The following ARFIP2 variants were observed in gnomAD, a reference collection of about 807,000 sequenced individuals.
ARFIP2 encodes the protein arfaptin-2.
Under a neutral mutation model 39.2 loss-of-function variants are expected in ARFIP2, and 14 were observed. That is an observed-to-expected ratio of 0.36 (90% CI 0.24 to 0.56). The LOEUF (loss-of-function observed/expected upper bound fraction) is 0.56, where lower values mean the gene tolerates loss of function less well. ARFIP2 is among the 20% of genes least tolerant of loss of function. The pLI, the probability that ARFIP2 is intolerant of heterozygous loss-of-function variation, is 0.85. For synonymous variants in ARFIP2, 167 were observed against 172.4 expected (o/e 0.97, Z 0.24); for missense variants, 305 against 422.5 (o/e 0.72, Z 2.44).
Position 6,478,550 on chromosome 11 carries a change from C to A in ARFIP2, c.537+188G>T. The A allele has an allele frequency of 7.0e-7, 1 of 1,433,360 alleles. No individual in the cohort carries two copies. Among genetic ancestry groups the A allele is most frequent in the South Asian group, 1.5e-5 (1 of 67,832 alleles). The allele number at this position is 1,433,360 out of a possible 1,614,324, so 88.8% of individuals were successfully genotyped here. ...CACCTAGTGTGCCCCCTCCCCCACC[C>A]CCTCCAACTTCTGGACCTCTGTACA... On this transcript the variant is annotated intron_variant, in intron 5 of 7. Coordinates refer to ENST00000396777, the MANE Select transcript of ARFIP2 (RefSeq NM_001376558.2). The surrounding 1 kb of genome is among the most constrained non-coding windows in gnomAD (Gnocchi z 4.8).
chr11:6,479,446 T>G, intron 3 of ARFIP2, 188 bp from the exon 4 acceptor site: 1 of 1,111,712 alleles, frequency 9.0e-7, no homozygotes, highest in Non-Finnish European at 1.3e-6. Context: ...CTGATATACA[T>G]ATGGCCTCCT....
At chr11:6,479,071 G>A (rs1232211898) in intron 4 of ARFIP2, 69 bp downstream of exon 4, 18 of 1,584,042 alleles carry the variant, frequency 1.1e-5, no homozygotes, top group South Asian at 4.5e-5. Flanking sequence ...GGGATATTAC[G>A]ATCACGAAGA....
rs1416621550 is a variant in ARFIP2, at chr11:6,478,457, G to A, written c.538-259C>T. 6 of 1,076,652 alleles carry A rather than the reference G, an allele frequency of 5.6e-6. No homozygotes were observed. Among genetic ancestry groups the A allele is most frequent in the Non-Finnish European group, 7.8e-6 (6 of 773,444 alleles). The allele number at this position is 1,076,652 out of a possible 1,614,324, so 66.7% of individuals were successfully genotyped here. A position where few individuals can be genotyped will look rare whatever the true frequency, so the allele number is the denominator to read the frequency against. On this transcript the variant is annotated intron_variant, in intron 5 of 7. Transcript: ENST00000396777. This position sits in a 1 kb window ranked among gnomAD's most constrained non-coding sequence, Gnocchi z 4.8. ...GTCTGAGAGCTAGTGTGGCAAGCAG[G>A]GGAGGGGCTCTGATTAGGCTGAGCA...
chr11:6,476,572 A>G lies in ARFIP2; in HGVS notation c.*541T>C, dbSNP rs1376454856. 6.5e-6 allele frequency: 1 copy of G among 153,924 alleles called. No individual in the cohort carries two copies. Among genetic ancestry groups the G allele is most frequent in the East Asian group, 1.9e-4 (1 of 5,214 alleles). The allele number at this position is 153,924 out of a possible 1,614,324, so 9.5% of individuals were successfully genotyped here. A position where few individuals can be genotyped will look rare whatever the true frequency, so the allele number is the denominator to read the frequency against. ...CTAGATCCCAATCTTCTTGGGCTCT[A>G]AGCACAATTAAACTGGGTGGGTGGG... On this transcript the variant is annotated 3_prime_UTR_variant, in exon 8 of 8. Transcript: ENST00000396777.
Position 6,477,673 on chromosome 11 carries a change from T to C in ARFIP2, c.870+45A>G. ...GAGGGTCTGAGGGGAAGGTTAGTGT[T>C]ACAGATGGAAAGGTGGGCTAGGGTC... On this transcript the variant is annotated intron_variant, in intron 7 of 7. Coordinates refer to ENST00000396777, the MANE Select transcript of ARFIP2 (RefSeq NM_001376558.2). The surrounding 1 kb of genome is among the most constrained non-coding windows in gnomAD (Gnocchi z 4.8). The C allele has an allele frequency of 1.9e-6, 3 of 1,599,664 alleles. No homozygotes were observed. Among genetic ancestry groups the C allele is most frequent in the Non-Finnish European group, 2.6e-6 (3 of 1,171,178 alleles).
Position 6,477,761 on chromosome 11 carries a change from C to T in ARFIP2, c.827G>A (p.Arg276Gln), listed in dbSNP as rs1445656835. 5 of 1,613,794 alleles carry T rather than the reference C, an allele frequency of 3.1e-6. No homozygotes were observed. Among genetic ancestry groups the T allele is most frequent in the South Asian group, 1.1e-5 (1 of 91,074 alleles). The change falls in exon 7 of 8, where the codon CGG becomes CAG. Residue 276 changes from arginine to glutamine, a missense_variant. Transcript: ENST00000396777. The surrounding 1 kb of genome is among the most constrained non-coding windows in gnomAD (Gnocchi z 4.8). ...QAHRDKYEKL[R>Q]GDVAIKLKFL... Reference sequence around the variant, plus strand: ...CTTGAGCTTGATGGCCACATCTCCCCGCAGCTTCTCATACTTGTCCCGATG... The same window carrying T: ...CTTGAGCTTGATGGCCACATCTCCCTGCAGCTTCTCATACTTGTCCCGATG...
rs1851233245 is a variant in ARFIP2, at chr11:6,477,689, G to T, written c.870+29C>A. The T allele has an allele frequency of 6.2e-7, 1 of 1,608,348 alleles. No individual in the cohort carries two copies. Among genetic ancestry groups the T allele is most frequent in the East Asian group, 2.2e-5 (1 of 44,772 alleles). On this transcript the variant is annotated intron_variant, in intron 7 of 7. Transcript: ENST00000396777. The surrounding 1 kb of genome is among the most constrained non-coding windows in gnomAD (Gnocchi z 4.8). ...GGTTAGTGTTACAGATGGAAAGGTG[G>T]GCTAGGGTCAAGGGGGTGGGGTTGG...
At position 6,480,433 on chromosome 11, in the gene ARFIP2, G is replaced by A; in HGVS notation, c.-12C>T. On this transcript the variant is annotated 5_prime_UTR_variant, in exon 2 of 8. Transcript: ENST00000396777. ...ATCCCGTCCGTCATGGCTAGGAAAG[G>A]TATTGGAGTAAAACTCTCCACCCCA... is the stretch of plus-strand genomic sequence containing the variant. 1.9e-6 allele frequency: 3 copies of A among 1,601,738 alleles called. No individual in the cohort carries two copies. Among genetic ancestry groups the A allele is most frequent in the East Asian group, 2.2e-5 (1 of 44,446 alleles).
chr11:6,478,280 C>A lies in ARFIP2; in HGVS notation c.538-82G>T. The A allele has an allele frequency of 1.3e-6, 2 of 1,519,620 alleles. No individual in the cohort carries two copies. The allele number at this position is 1,519,620 out of a possible 1,614,324, so 94.1% of individuals were successfully genotyped here. A position where few individuals can be genotyped will look rare whatever the true frequency, so the allele number is the denominator to read the frequency against. On this transcript the variant is annotated intron_variant, in intron 5 of 7. Transcript: ENST00000396777. The surrounding 1 kb of genome is among the most constrained non-coding windows in gnomAD (Gnocchi z 4.8). ...GTAGAGCCCTTCATTCCCCTCCTCC[C>A]CGGGGAGGACACAGCCAGCAAAACT...
intron 1 of ARFIP2, chr11:6,480,838 T>C (rs1413856185): frequency 5.7e-6 from 1 of 175,240 alleles, no homozygotes; most frequent in East Asian, 1.8e-4. Context: ...GCTGAGGAGA[T>C]GAACCCTTTC....
At chr11:6,479,110 T>C (rs1217625880) in intron 4 of ARFIP2, 30 bp downstream of exon 4, 2 of 1,607,500 alleles carry the variant, frequency 1.2e-6, no homozygotes, top group Non-Finnish European at 1.7e-6. Flanking sequence ...ATAAGGAGTT[T>C]TGGGGAAGGG....
At position 6,478,288 on chromosome 11, in the gene ARFIP2, G is replaced by C; in HGVS notation, c.538-90C>G. 1.4e-6 allele frequency: 2 copies of C among 1,479,782 alleles called. No individual in the cohort carries two copies. The highest frequency in any genetic ancestry group is 1.9e-6 in the Non-Finnish European group (2 of 1,080,732). The allele number at this position is 1,479,782 out of a possible 1,614,324, so 91.7% of individuals were successfully genotyped here. A position where few individuals can be genotyped will look rare whatever the true frequency, so the allele number is the denominator to read the frequency against. ...CTTCATTCCCCTCCTCCCCGGGGAG[G>C]ACACAGCCAGCAAAACTGGAACAAC... On this transcript the variant is annotated intron_variant, in intron 5 of 7. Coordinates refer to ENST00000396777, the MANE Select transcript of ARFIP2 (RefSeq NM_001376558.2). The surrounding 1 kb of genome is among the most constrained non-coding windows in gnomAD (Gnocchi z 4.8).
chr11:6,477,607 C>CT lies in ARFIP2; in HGVS notation c.870+110dup. 1 of 1,270,548 alleles carries CT rather than the reference C, an allele frequency of 7.9e-7. No individual in the cohort carries two copies. Among genetic ancestry groups the CT allele is most frequent in the South Asian group, 1.4e-5 (1 of 69,860 alleles). 78.7% of individuals were successfully genotyped at this position (1,270,548 alleles called of 1,614,324 possible). On this transcript the variant is annotated intron_variant, in intron 7 of 7. Coordinates refer to ENST00000396777, the MANE Select transcript of ARFIP2 (RefSeq NM_001376558.2). This position sits in a 1 kb window ranked among gnomAD's most constrained non-coding sequence, Gnocchi z 4.8. ...CCCAGGGGTTGAGGGGGTGAACACT[C>CT]TACTCCCCAGCTAGGCTGCATTTCC... is the stretch of plus-strand genomic sequence containing the variant.
At chr11:6,480,197 G>A (rs1851571445) in intron 2 of ARFIP2, 126 bp downstream of exon 2, 4 of 1,271,116 alleles carry the variant, frequency 3.1e-6, no homozygotes, top group East Asian at 4.7e-5. Context: ...GAATCAAAAT[G>A]ATACGTAAAA....
At chr11:6,479,055 A>G (rs1851433482) in intron 4 of ARFIP2, 85 bp downstream of exon 4, 1 of 1,580,708 alleles carries the variant, frequency 6.3e-7, no homozygotes, top group African/African-American at 1.3e-5. Flanking sequence ...ACTCTCAGCC[A>G]CAGATGGGAT....
At position 6,477,834 on chromosome 11, in the gene ARFIP2, C is replaced by A. The variant is rs145755827; in HGVS notation, c.754G>T (p.Ala252Ser). The change falls in exon 7 of 8, where the codon GCA (alanine) becomes TCA (serine). Residue 252 changes from alanine to serine, a missense_variant. Ala to Ser is a moderately conservative substitution (Grantham distance 99). Transcript: ENST00000396777. The surrounding 1 kb of genome is among the most constrained non-coding windows in gnomAD (Gnocchi z 4.8). ...LEELSLGPRD[A>S]GTRGRLESAQ... ...CTCTCAAGTCGACCACGTGTCCCTG[C>A]ATCCCGGGGGCCTAGACTCAGCTCC... 9.3e-6 allele frequency: 15 copies of A among 1,613,924 alleles called. 1 individual carries two copies. In the African/African-American group the frequency reaches 1.6e-4, roughly 17 times the overall value.
Position 6,480,324 on chromosome 11 carries a change from T to C in ARFIP2, c.98A>G (p.Gln33Arg). ...RQLPEDDGLE[Q>R]DLQQVMVSGP... is the part of the protein sequence containing the mutation. ...ATTAGAAGAATCAAACAGAAGCACC[T>C]GCTCCAGCCCATCATCTTCAGGAAG... The change falls in exon 2 of 8, where the codon CAG (glutamine) becomes CGG (arginine). Residue 33 changes from glutamine to arginine, a missense_variant and splice_region_variant. By Grantham distance (43) the Gln-to-Arg change is conservative (BLOSUM62 1). This residue lies in a region of ARFIP2 where 151 missense variants were observed against 203.1 expected (regional missense o/e 0.74). Coordinates refer to ENST00000396777, the MANE Select transcript of ARFIP2 (RefSeq NM_001376558.2). The C allele has an allele frequency of 6.2e-7, 1 of 1,612,730 alleles. No homozygotes were observed.
Position 6,478,060 on chromosome 11 carries a change from TCA to T in ARFIP2, c.674_675del (p.Val225GlufsTer4). On this transcript the variant is annotated frameshift_variant, in exon 6 of 8. Transcript: ENST00000396777. LOFTEE classifies it high-confidence loss of function. The surrounding 1 kb of genome is among the most constrained non-coding windows in gnomAD (Gnocchi z 4.8). ...TKTMEDTLMT[V>X]KQYEAARLEY... is the part of the protein sequence containing the mutation. ...CCACACCTGGCAGCCTCATACTGTT[TCA>T]CAGTCATGAGCGTGTCTTCCATGGT... is the stretch of plus-strand genomic sequence containing the variant. 1 of 1,614,032 alleles carries T rather than the reference TCA, an allele frequency of 6.2e-7. No homozygotes were observed. The highest frequency in any genetic ancestry group is 8.5e-7 in the Non-Finnish European group (1 of 1,179,990).
chr11:6,477,911 A>G lies in ARFIP2; in HGVS notation c.696-19T>C, dbSNP rs878949404. 3 of 1,612,980 alleles carry G rather than the reference A, an allele frequency of 1.9e-6. No homozygotes were observed. The highest frequency in any genetic ancestry group is 2.5e-6 in the Non-Finnish European group (3 of 1,179,328). On this transcript the variant is annotated intron_variant, in intron 6 of 7. Coordinates refer to ENST00000396777, the MANE Select transcript of ARFIP2 (RefSeq NM_001376558.2). The surrounding 1 kb of genome is among the most constrained non-coding windows in gnomAD (Gnocchi z 4.8). ...TTCCAGCCTGGGGAGGGGGTGATAA[A>G]GGCTGGTCTCCACTCCTTTATCCTC...
Sources: gnomAD v4.1 joint callset for allele counts on GRCh38, gnomAD v4.1.1 for gene constraint, gnomAD v4.1.1 regional missense constraint, Gnocchi (gnomAD v3.1) non-coding constraint, MANE v1.5 for transcripts, NCBI Gene and HGNC (gene_info 2026-07-23, HGNC 2026-07-21) for gene names.